Variants in CCDC88A observed in about 807,000 individuals in gnomAD.
The protein encoded by CCDC88A is coiled-coil and HOOK domain protein 88A, also known as girdin.
CCDC88A carries 54 observed loss-of-function variants against 234.3 expected under a neutral mutation model. That is an observed-to-expected ratio of 0.23 (90% CI 0.19 to 0.29). CCDC88A has a LOEUF of 0.29. CCDC88A is among the 10% of genes least tolerant of loss of function. CCDC88A has a pLI of 1.00. For missense variants in CCDC88A, 1,832 were observed against 2,123.4 expected (o/e 0.86, Z 2.70); for synonymous variants, 753 against 737.8 (o/e 1.02, Z -0.33).
intron 2 of CCDC88A, among the ~76,000 whole-genome samples, chr2:55,406,818 G>C (rs1331711032): frequency 1.3e-5 from 2 of 151,978 alleles, no homozygotes; most frequent in Admixed American, 1.3e-4. Flanking sequence ...CAACTTCCGT[G>C]GTCCTTCACC....
At chr2:55,338,402 T>C (rs553704930) in intron 13 of CCDC88A, among the ~76,000 whole-genome samples, 4 of 152,338 alleles carry the variant, frequency 2.6e-5, no homozygotes, top group African/African-American at 9.6e-5. Flanking sequence ...GAGCATCACT[T>C]AGGAACTTCT....
intron 13 of CCDC88A, among the ~76,000 whole-genome samples, chr2:55,338,503 T>C (rs184684317): frequency 6.6e-5 from 10 of 152,330 alleles, no homozygotes; most frequent in Non-Finnish European, 1.0e-4. Flanking sequence ...AATAAAACAC[T>C]TGTTCTTGCA....
intron 5 of CCDC88A, among the ~76,000 whole-genome samples, chr2:55,369,681 G>A (rs1672546521): frequency 6.6e-6 from 1 of 151,938 alleles, no homozygotes; most frequent in South Asian, 2.1e-4. Context: ...GGTCTTGAAC[G>A]CCTCACCTCA....
intron 3 of CCDC88A, among the ~76,000 whole-genome samples, chr2:55,384,473 C>CATATTTAATTAT (rs1242932085): frequency 7.3e-6 from 1 of 137,910 alleles, no homozygotes; most frequent in Non-Finnish European, 1.5e-5. Flanking sequence ...CTTAAATATA[C>CATATTTAATTAT]ATATTTAATT....
intron 5 of CCDC88A, among the ~76,000 whole-genome samples, chr2:55,365,877 T>C (rs971766064): frequency 3.3e-5 from 5 of 152,208 alleles, no homozygotes; most frequent in Non-Finnish European, 5.9e-5. Flanking sequence ...ACGGTGATCA[T>C]TAGCTATATG....
At chr2:55,416,484 A>ATG (rs1374224681) in intron 2 of CCDC88A, among the ~76,000 whole-genome samples, 4 of 80,072 alleles carry the variant, frequency 5.0e-5, no homozygotes, top group Non-Finnish European at 5.4e-5. Context: ...ATATATATAT[A>ATG]TATGTATATA....
intron 2 of CCDC88A, among the ~76,000 whole-genome samples, chr2:55,394,814 T>TAA (rs70954115): frequency 5.3e-5 from 8 of 150,122 alleles, no homozygotes; most frequent in African/African-American, 2.0e-4. Context: ...ATAATAATAA[T>TAA]AAAAAAAAAA....
At chr2:55,362,183 C>CA (rs1671410756) in intron 7 of CCDC88A, 125 bp downstream of exon 7, 4 of 691,504 alleles carry the variant, frequency 5.8e-6, no homozygotes, top group East Asian at 6.5e-5. Context: ...GTGTTCCACA[C>CA]AAAAAAAGAC....
intron 2 of CCDC88A, among the ~76,000 whole-genome samples, chr2:55,401,305 G>C (rs1678577853): frequency 6.6e-6 from 1 of 150,598 alleles, no homozygotes; most frequent in Non-Finnish European, 1.5e-5. Flanking sequence ...ACAGTGGTGT[G>C]TGCCTGCAGT....
At chr2:55,294,482 G>T (rs762103188) in intron 31 of CCDC88A, 24 of 880,394 alleles carry the variant, frequency 2.7e-5, no homozygotes, top group Non-Finnish European at 3.3e-5. Context: ...GTTATATAAA[G>T]TGTTGAATTA....
Position 55,362,209 on chromosome 2 carries a change from G to C in CCDC88A, c.627+99C>G, listed in dbSNP as rs576972663. Reference sequence around the variant, plus strand: ...AAAAAAAGACACTCCTGTATCACCTGTCTCTAAGAAATAGTATCGTTTCTG... The same window carrying C: ...AAAAAAAGACACTCCTGTATCACCTCTCTCTAAGAAATAGTATCGTTTCTG... On this transcript the variant is annotated intron_variant, in intron 7 of 32. Transcript: ENST00000436346. 470 of 929,728 alleles carry C rather than the reference G, an allele frequency of 5.1e-4. 7 individuals carry two copies. The South Asian group carries it at 7.4e-3, about 15-fold the overall frequency. The allele number at this position is 929,728 out of a possible 1,614,324, so 57.6% of individuals were successfully genotyped here. A position where few individuals can be genotyped will look rare whatever the true frequency, so the allele number is the denominator to read the frequency against.
At chr2:55,345,139 A>C (rs1435743189) in intron 10 of CCDC88A, among the ~76,000 whole-genome samples, 1 of 152,218 alleles carries the variant, frequency 6.6e-6, no homozygotes, top group East Asian at 1.9e-4. Context: ...AGTGGTATTC[A>C]TGAGAATCCC....
At position 55,384,600 on chromosome 2, in the gene CCDC88A, C is replaced by T. The variant is rs970876959; in HGVS notation, c.273+4178G>A. On this transcript the variant is annotated intron_variant, in intron 3 of 32. Coordinates refer to ENST00000436346, the MANE Select transcript of CCDC88A (RefSeq NM_001365480.1). ...ATATGTGTATATATACACATATATACGTATATATGTGTATATATACGTATA... is the reference window on the plus strand; with the variant it reads ...ATATGTGTATATATACACATATATATGTATATATGTGTATATATACGTATA... 6.4e-5 allele frequency among the ~76,000 whole-genome samples: 7 copies of T among 109,100 alleles called. 2 individuals carry two copies. The highest frequency in any genetic ancestry group is 2.8e-4 in the South Asian group (1 of 3,554). 71.6% of individuals were successfully genotyped at this position (109,100 alleles called of 152,430 possible). A position where few individuals can be genotyped will look rare whatever the true frequency, so the allele number is the denominator to read the frequency against.
intron 7 of CCDC88A, among the ~76,000 whole-genome samples, chr2:55,356,996 C>G (rs1670667411): frequency 6.6e-6 from 1 of 152,172 alleles, no homozygotes; most frequent in Non-Finnish European, 1.5e-5. Flanking sequence ...ACTGGGACAG[C>G]CCAGAAATAC....
intron 3 of CCDC88A, among the ~76,000 whole-genome samples, chr2:55,384,796 A>G (rs948428955): frequency 6.6e-6 from 1 of 151,442 alleles, no homozygotes; most frequent in African/African-American, 2.4e-5. Context: ...TGCTGGGATT[A>G]CAGGCACGCA....
chr2:55,348,157 G>T (rs528186804), intron 9 of CCDC88A, among the ~76,000 whole-genome samples: 1 of 152,104 alleles, frequency 6.6e-6, no homozygotes, highest in Admixed American at 6.5e-5. Context: ...TAGCGATGAG[G>T]TTTTGTCACG....
At chr2:55,397,204 C>G (rs1367259166) in intron 2 of CCDC88A, 1 of 152,164 alleles carries the variant, frequency 6.6e-6, no homozygotes, top group Non-Finnish European at 1.5e-5. Flanking sequence ...ATGCAATTCT[C>G]CTGCCTCAGC....
chr2:55,369,850 T>C (rs960725403), intron 5 of CCDC88A, among the ~76,000 whole-genome samples: 2 of 152,190 alleles, frequency 1.3e-5, no homozygotes, highest in African/African-American at 2.4e-5. Context: ...AATGCACCAA[T>C]GTATATTACA....
intron 12 of CCDC88A, among the ~76,000 whole-genome samples, chr2:55,341,818 T>C (rs1027443306): frequency 1.3e-5 from 2 of 152,332 alleles, no homozygotes; most frequent in Middle Eastern, 3.4e-3. Flanking sequence ...CATCATTTCA[T>C]TGACAGACAC....
Sources: allele counts gnomAD v4.1 joint callset (sites outside exome capture counted in the v4.1 genomes callset), GRCh38; gene constraint gnomAD v4.1.1; transcripts MANE v1.5; gene names NCBI Gene and HGNC (gene_info 2026-07-23, HGNC 2026-07-21).